The following CCNY variants were observed in gnomAD, a reference collection of about 807,000 sequenced individuals.
CCNY encodes cyclin-Y.
Under a neutral mutation model 42.8 loss-of-function variants are expected in CCNY, and 19 were observed. The observed-to-expected ratio is 0.44, with a 90% CI of 0.31 to 0.65. The LOEUF (loss-of-function observed/expected upper bound fraction) is 0.65, where lower values mean the gene tolerates loss of function less well. Ranked by LOEUF, CCNY falls within the 30% of genes least tolerant of loss-of-function variation. The pLI is 0.07. For missense variants in CCNY, 370 were observed against 437.3 expected (o/e 0.85, Z 1.37); for synonymous variants, 165 against 162.7 (o/e 1.01, Z -0.11).
chr10:35,414,871 G>A (rs1016157659), intron 1 of CCNY, among the ~76,000 whole-genome samples: 1 of 152,196 alleles, frequency 6.6e-6, no homozygotes, highest in Non-Finnish European at 1.5e-5. Context: ...CACAAATGCA[G>A]TGTATTTGGA....
At chr10:35,337,594 C>T (rs562852345) in intron 1 of CCNY, among the ~76,000 whole-genome samples, 23 of 152,264 alleles carry the variant, frequency 1.5e-4, no homozygotes, top group African/African-American at 5.1e-4. Flanking sequence ...GTTGTGCACG[C>T]GTTTGTCCTA....
intron 1 of CCNY, among the ~76,000 whole-genome samples, chr10:35,471,272 A>G (rs892503334): frequency 2.3e-4 from 35 of 151,800 alleles, no homozygotes; most frequent in African/African-American, 8.0e-4. Context: ...TGCGAGGGGG[A>G]GGGGATAGTT....
intron 1 of CCNY, among the ~76,000 whole-genome samples, chr10:35,463,029 G>T (rs1839189314): frequency 1.3e-5 from 2 of 152,242 alleles, no homozygotes; most frequent in Admixed American, 6.5e-5. Context: ...GAAAGTGAAG[G>T]TGTGTCTCCT....
intron 3 of CCNY, among the ~76,000 whole-genome samples, chr10:35,298,810 T>C (rs1265984637): frequency 2.6e-5 from 4 of 152,194 alleles, no homozygotes; most frequent in Admixed American, 6.5e-5. Context: ...GCATGAGCCA[T>C]TGCACCTGGC....
chr10:35,330,471 G>A (rs966816139), intron 3 of CCNY, among the ~76,000 whole-genome samples: 5 of 152,082 alleles, frequency 3.3e-5, no homozygotes, highest in African/African-American at 1.2e-4. Context: ...TATCATCTGG[G>A]GGCCAATCAA....
At chr10:35,464,781 C>T (rs1014119504) in intron 1 of CCNY, among the ~76,000 whole-genome samples, 1 of 152,188 alleles carries the variant, frequency 6.6e-6, no homozygotes, top group South Asian at 2.1e-4. Flanking sequence ...GGAACACCTA[C>T]ATCGAGTTGA....
At chr10:35,535,875 G>A (rs1461299850) in intron 7 of CCNY, among the ~76,000 whole-genome samples, 1 of 152,084 alleles carries the variant, frequency 6.6e-6, no homozygotes, top group Non-Finnish European at 1.5e-5. Context: ...ATCTGCAGGG[G>A]CCCCTGGAAC....
At chr10:35,421,074 G>A (rs1051550942) in intron 1 of CCNY, among the ~76,000 whole-genome samples, 1 of 152,184 alleles carries the variant, frequency 6.6e-6, no homozygotes, top group Non-Finnish European at 1.5e-5. Flanking sequence ...CTATGCCAGT[G>A]CCGGCTCTGC....
intron 3 of CCNY, among the ~76,000 whole-genome samples, chr10:35,504,695 G>T (rs1488582284): frequency 6.6e-6 from 1 of 152,162 alleles, no homozygotes; most frequent in African/African-American, 2.4e-5. Context: ...GGAGGGCATT[G>T]GTACGATCTT....
chr10:35,288,770 G>A (rs1280135979), intron 3 of CCNY, among the ~76,000 whole-genome samples: 1 of 152,086 alleles, frequency 6.6e-6, no homozygotes, highest in South Asian at 2.1e-4. Flanking sequence ...TTTAATCTCT[G>A]TTGGAAATCA....
At chr10:35,304,842 G>A (rs569369012) in intron 3 of CCNY, among the ~76,000 whole-genome samples, 16 of 152,302 alleles carry the variant, frequency 1.1e-4, no homozygotes, top group African/African-American at 3.8e-4. Context: ...AGAACCACTA[G>A]GGTGTTAGGG....
intron 3 of CCNY, among the ~76,000 whole-genome samples, chr10:35,329,253 T>C (rs1396268228): frequency 6.6e-6 from 1 of 152,118 alleles, no homozygotes; most frequent in Non-Finnish European, 1.5e-5. Flanking sequence ...GATTAGCATA[T>C]AAAAATGTTC....
chr10:35,270,756 T>C (rs1217710318), intron 3 of CCNY, among the ~76,000 whole-genome samples: 3 of 149,742 alleles, frequency 2.0e-5, no homozygotes. Flanking sequence ...GACAGAGTCT[T>C]GCTCTGTCGC....
At chr10:35,291,588 G>A (rs1835414802) in intron 3 of CCNY, among the ~76,000 whole-genome samples, 2 of 140,434 alleles carry the variant, frequency 1.4e-5, no homozygotes, top group South Asian at 4.5e-4. Flanking sequence ...CTGGAGTGCA[G>A]TGGCACGATC....
At chr10:35,425,556 G>T (rs1285784656) in intron 1 of CCNY, among the ~76,000 whole-genome samples, 1 of 152,160 alleles carries the variant, frequency 6.6e-6, no homozygotes, top group Admixed American at 6.5e-5. Context: ...AATGAATTTT[G>T]TAAGTGTGAA....
intron 2 of CCNY, among the ~76,000 whole-genome samples, chr10:35,248,761 C>T (rs2095709869): frequency 6.6e-6 from 1 of 152,094 alleles, no homozygotes. Context: ...ATCACTTGAT[C>T]CCAGGAGGCT....
intron 4 of CCNY, among the ~76,000 whole-genome samples, chr10:35,519,024 C>G (rs1034122914): frequency 6.7e-6 from 1 of 150,210 alleles, no homozygotes; most frequent in Non-Finnish European, 1.5e-5. Context: ...GGATTTGTAA[C>G]AGCTCTTGAT....
At chr10:35,550,766 G>A (rs1841237363) in intron 7 of CCNY, among the ~76,000 whole-genome samples, 1 of 152,056 alleles carries the variant, frequency 6.6e-6, no homozygotes, top group African/African-American at 2.4e-5. Flanking sequence ...CACATACCAG[G>A]TTTTACTCCC....
In CCNY at chr10:35,430,971, G is replaced by T. The variant is rs183084264; in HGVS notation, c.155-52433G>T. Among the ~76,000 whole-genome samples the T allele has an allele frequency of 3.0e-3, 453 of 152,012 alleles. 1 individual carries two copies. The highest frequency in any genetic ancestry group is 0.01 in the African/African-American group (428 of 41,456). Reference sequence around the variant, plus strand: ...ATCTCTACTAAAAATACAAAAATTAGCTGGGCCTGGTGGTGTGCTGCTGTA... The same window carrying T: ...ATCTCTACTAAAAATACAAAAATTATCTGGGCCTGGTGGTGTGCTGCTGTA... On this transcript the variant is annotated intron_variant, in intron 1 of 9. Transcript: ENST00000374704.
Sources: gnomAD v4.1 joint callset for allele counts (sites outside exome capture counted in the v4.1 genomes callset) on GRCh38, gnomAD v4.1.1 for gene constraint, MANE v1.5 for transcripts, NCBI Gene and HGNC (gene_info 2026-07-23, HGNC 2026-07-21) for gene names.